RBFOX1: variants seen among roughly 807,000 people sequenced by gnomAD.
RBFOX1 encodes the protein RNA binding fox-1 homolog 1.
RBFOX1 carries 8 observed loss-of-function variants against 57.7 expected under a neutral mutation model. The observed-to-expected ratio is 0.14, with a 90% confidence interval of 0.08 to 0.25. RBFOX1 has a LOEUF of 0.25. RBFOX1 is among the 10% of genes least tolerant of loss of function. RBFOX1 has a pLI of 1.00. For missense variants in RBFOX1, 611 were observed against 548.5 expected, an observed-to-expected ratio of 1.11 and a Z score of -1.14; for synonymous variants, 326 against 222.4, an observed-to-expected ratio of 1.47 and a Z score of -4.15.
intron 3 of RBFOX1, among the ~76,000 whole-genome samples, chr16:6,664,854 G>A (rs571905140): frequency 1.6e-4 from 25 of 152,248 alleles, no homozygotes; most frequent in African/African-American, 5.8e-4. Context: ...GTTGAATCCC[G>A]GTTCTGCCCC....
At chr16:6,979,403 C>A (rs1294995514) in intron 3 of RBFOX1, among the ~76,000 whole-genome samples, 1 of 152,098 alleles carries the variant, frequency 6.6e-6, no homozygotes, top group Non-Finnish European at 1.5e-5. Context: ...GCGATAGACC[C>A]ACTAAATTAA....
intron 2 of RBFOX1, among the ~76,000 whole-genome samples, chr16:6,523,785 C>G (rs935350535): frequency 3.9e-5 from 6 of 152,154 alleles, no homozygotes; most frequent in African/African-American, 9.7e-5. Context: ...TCATGAAATG[C>G]CACTTATTTA....
intron 5 of RBFOX1, among the ~76,000 whole-genome samples, chr16:7,521,798 T>A (rs1411059237): frequency 1.3e-5 from 2 of 152,298 alleles, no homozygotes; most frequent in Non-Finnish European, 2.9e-5. Flanking sequence ...GAAAACTCAG[T>A]AGGAAGCATG....
chr16:5,644,486 A>G (rs2048983741), intron 3 of RBFOX1, among the ~76,000 whole-genome samples: 1 of 152,118 alleles, frequency 6.6e-6, no homozygotes, highest in South Asian at 2.1e-4. Context: ...CATGGAGGTA[A>G]AGTTCCACCT....
chr16:7,096,483 CAAG>C (rs2061715010), intron 4 of RBFOX1, among the ~76,000 whole-genome samples: 1 of 152,136 alleles, frequency 6.6e-6, no homozygotes, highest in South Asian at 2.1e-4. Context: ...CACACTCATC[CAAG>C]AAGTAGTAGG....
intron 4 of RBFOX1, among the ~76,000 whole-genome samples, chr16:7,177,501 G>A (rs888437900): frequency 4.1e-5 from 6 of 147,132 alleles, no homozygotes; most frequent in African/African-American, 1.5e-4. Flanking sequence ...AAAAAAAAAA[G>A]AATACAAAAA....
rs930223060 is a variant in RBFOX1 at position 5,777,888 on chromosome 16, C to G, written c.319-89415C>G. Among the ~76,000 whole-genome samples, 4 of 152,176 alleles carry G rather than the reference C, an allele frequency of 2.6e-5. 2 individuals carry two copies. The South Asian group carries it at 8.3e-4, about 32-fold the overall frequency. ...GAACCACGATCATAAGTAGGCATCTCTTCCATTTAAATTGCTTTTTCAAGG... is the reference window on the plus strand; with the variant it reads ...GAACCACGATCATAAGTAGGCATCTGTTCCATTTAAATTGCTTTTTCAAGG... On this transcript the variant is annotated intron_variant, in intron 3 of 19. Transcript: ENST00000641259.
chr16:6,824,983 G>GTGTTTTTTTTTTTTTT (rs2091914748), intron 3 of RBFOX1, among the ~76,000 whole-genome samples: 1 of 36,878 alleles, frequency 2.7e-5, no homozygotes, highest in Non-Finnish European at 5.9e-5. Context: ...TTCTTTCTTG[G>GTGTTTTTTTTTTTTTT]TTTTTTTTTT....
intron 2 of RBFOX1, 66 bp from the exon 3 acceptor site, chr16:6,654,537 G>T: frequency 7.8e-7 from 1 of 1,286,462 alleles, no homozygotes; most frequent in Non-Finnish European, 1.1e-6. Context: ...ACCACTGAAT[G>T]TTCTCTGACC....
At chr16:5,466,746 G>A (rs2068966017) in intron 1 of RBFOX1, among the ~76,000 whole-genome samples, 1 of 152,136 alleles carries the variant, frequency 6.6e-6, no homozygotes, top group South Asian at 2.1e-4. Context: ...GCTCCAGGCT[G>A]CCTCCTAGAG....
intron 4 of RBFOX1, among the ~76,000 whole-genome samples, chr16:7,074,427 T>TA (rs1598763835): frequency 1.3e-5 from 2 of 152,170 alleles, no homozygotes; most frequent in East Asian, 3.8e-4. Context: ...ATCAACCTAA[T>TA]AAAATTGACA....
intron 3 of RBFOX1, among the ~76,000 whole-genome samples, chr16:6,861,620 A>G (rs1194745934): frequency 2.0e-5 from 3 of 151,720 alleles, no homozygotes; most frequent in Non-Finnish European, 1.5e-5. Flanking sequence ...CAGCCTCTAC[A>G]TTGGGTCTTT....
chr16:6,806,055 C>T (rs933123138), intron 3 of RBFOX1, among the ~76,000 whole-genome samples: 1 of 152,148 alleles, frequency 6.6e-6, no homozygotes, highest in Non-Finnish European at 1.5e-5. Context: ...TATAAGAAGT[C>T]ATCCAGCAGC....
intron 3 of RBFOX1, among the ~76,000 whole-genome samples, chr16:6,676,602 AAG>A (rs1465141452): frequency 6.6e-6 from 1 of 152,046 alleles, no homozygotes; most frequent in Non-Finnish European, 1.5e-5. Context: ...GCTCGGAAAA[AAG>A]GATACCAGGA....
intron 3 of RBFOX1, among the ~76,000 whole-genome samples, chr16:6,773,157 G>A (rs2078670129): frequency 8.8e-6 from 1 of 113,334 alleles, no homozygotes; most frequent in Non-Finnish European, 1.7e-5. Flanking sequence ...TTGTGTATGG[G>A]TGTGGGGTGC....
chr16:6,263,742 C>G (rs1212560322), intron 1 of RBFOX1, among the ~76,000 whole-genome samples: 1 of 152,138 alleles, frequency 6.6e-6, no homozygotes, highest in Non-Finnish European at 1.5e-5. Flanking sequence ...GTCATTATCT[C>G]CTACAAAGCA....
In RBFOX1 at chr16:6,333,014, G is replaced by A. The variant is rs576405675; in HGVS notation, c.-64+15957G>A. On this transcript the variant is annotated intron_variant, in intron 2 of 15. Coordinates refer to ENST00000550418, the MANE Select transcript of RBFOX1 (RefSeq NM_018723.4). ...TATTTTATTATTGATCCAATGTCAT[G>A]TTTTGATGTCCTTGACATGTGACAT... Among the ~76,000 whole-genome samples, 8 of 152,220 alleles carry A rather than the reference G, an allele frequency of 5.3e-5. No homozygotes were observed. In the South Asian group the frequency reaches 1.2e-3, roughly 24 times the overall value.
At chr16:7,677,515 C>T (rs546248439) in intron 14 of RBFOX1, among the ~76,000 whole-genome samples, 43 of 152,034 alleles carry the variant, frequency 2.8e-4, no homozygotes, top group African/African-American at 8.7e-4. Context: ...GGGCAGGTTG[C>T]GGGGGTGGGG....
At chr16:7,250,489 C>T (rs144882859) in intron 4 of RBFOX1, among the ~76,000 whole-genome samples, 4 of 152,340 alleles carry the variant, frequency 2.6e-5, no homozygotes, top group African/African-American at 9.6e-5. Flanking sequence ...GCAGCCTCAG[C>T]TGCTGTGATT....
Sources: allele counts gnomAD v4.1 joint callset (sites outside exome capture counted in the v4.1 genomes callset), GRCh38; gene constraint gnomAD v4.1.1; transcripts MANE v1.5; gene names NCBI Gene and HGNC (gene_info 2026-07-23, HGNC 2026-07-21).